The following FRAS1 variants were observed in gnomAD, a reference collection of about 807,000 sequenced individuals.
FRAS1 encodes the protein extracellular matrix organizing protein FRAS1.
In FRAS1, 290 loss-of-function variants were observed where a neutral mutation model predicts 435.2. That is an observed-to-expected ratio of 0.67 (90% CI 0.61 to 0.73). The LOEUF (loss-of-function observed/expected upper bound fraction) is 0.73, where lower values mean the gene tolerates loss of function less well. Ranked by LOEUF, FRAS1 falls within the 30% of genes least tolerant of loss-of-function variation. The probability of loss-of-function intolerance (pLI) is 0.00; values close to 1 mark genes in which losing one functional copy is unlikely to be tolerated. For missense variants in FRAS1, 4,860 were observed against 5,001.5 expected, an observed-to-expected ratio of 0.97 and a Z score of 0.85; for synonymous variants, 1,800 against 1,851.0, an observed-to-expected ratio of 0.97 and a Z score of 0.71.
intron 14 of FRAS1, among the ~76,000 whole-genome samples, chr4:78,299,089 C>T (rs530579566): frequency 1.1e-4 from 16 of 152,232 alleles, no homozygotes; most frequent in South Asian, 2.1e-4. Context: ...GAGCCAGCGA[C>T]GTTGTGGGCT....
chr4:78,209,300 A>G (rs1326139103), intron 2 of FRAS1, among the ~76,000 whole-genome samples: 2 of 152,206 alleles, frequency 1.3e-5, no homozygotes, highest in African/African-American at 4.8e-5. Context: ...TGCTCTCTTC[A>G]GTAGTTAACC....
Position 78,372,732 on chromosome 4 carries a change from T to C in FRAS1, c.2884T>C (p.Cys962Arg). The change falls in exon 24 of 74, where the codon TGC (cysteine) becomes CGC (arginine). Residue 962 changes from cysteine (C) to arginine (R), a missense_variant. Transcript: ENST00000512123. ...TTTCTTTTTAGAGTGTGATTGGAGC[T>C]GCAGTGCATGCAGTGGGCCCCTGAA... ...TNTCKECDWS[C>R]SACSGPLKTD... The C allele has an allele frequency of 6.2e-7, 1 of 1,612,752 alleles. No homozygotes were observed. The highest frequency in any genetic ancestry group is 8.5e-7 in the Non-Finnish European group (1 of 1,179,788).
chr4:78,212,186 G>C (rs1374458217), intron 2 of FRAS1, among the ~76,000 whole-genome samples: 1 of 152,154 alleles, frequency 6.6e-6, no homozygotes, highest in Admixed American at 6.5e-5. Flanking sequence ...CTTATAAAAA[G>C]TATGTAAAAT....
chr4:78,115,177 G>A (rs1743058638), intron 2 of FRAS1, among the ~76,000 whole-genome samples: 2 of 151,350 alleles, frequency 1.3e-5, no homozygotes. Flanking sequence ...CAGGGATGAA[G>A]CCCACTTGAT....
chr4:78,377,806 G>T (rs569550795), intron 26 of FRAS1, among the ~76,000 whole-genome samples: 1 of 152,314 alleles, frequency 6.6e-6, no homozygotes, highest in East Asian at 1.9e-4. Context: ...TACCTGCTGA[G>T]TTTGTAAAAT....
intron 2 of FRAS1, among the ~76,000 whole-genome samples, chr4:78,147,572 A>T (rs535444357): frequency 6.6e-6 from 1 of 152,252 alleles, no homozygotes; most frequent in South Asian, 2.1e-4. Context: ...TGAAGAAGGG[A>T]CCAATTAAGG....
intron 2 of FRAS1, among the ~76,000 whole-genome samples, chr4:78,116,693 C>T (rs1214561685): frequency 6.6e-6 from 1 of 152,162 alleles, no homozygotes; most frequent in African/African-American, 2.4e-5. Context: ...GTAGATCTTC[C>T]TCCATCCCTT....
chr4:78,520,338 A>G (rs1245750334), intron 67 of FRAS1, among the ~76,000 whole-genome samples: 1 of 151,154 alleles, frequency 6.6e-6, no homozygotes, highest in East Asian at 1.9e-4. Flanking sequence ...TTTCCCCTAA[A>G]TTCTGCTGCT....
intron 2 of FRAS1, among the ~76,000 whole-genome samples, chr4:78,155,187 G>A (rs1407358059): frequency 6.6e-6 from 1 of 152,130 alleles, no homozygotes; most frequent in Non-Finnish European, 1.5e-5. Flanking sequence ...CTTCCAGTGG[G>A]TTTTCGGTCA....
chr4:78,094,104 GTTTTTTTTTTT>G (rs71214395), intron 2 of FRAS1, among the ~76,000 whole-genome samples: 2,483 of 106,666 alleles, frequency 0.023, 47 homozygotes, highest in Non-Finnish European at 0.032. Context: ...GAATAACCAA[GTTTTTTTTTTT>G]TTTTTTTTTT....
chr4:78,059,156 G>A (rs1163815795), intron 1 of FRAS1, among the ~76,000 whole-genome samples: 1 of 152,174 alleles, frequency 6.6e-6, no homozygotes, highest in African/African-American at 2.4e-5. Context: ...CTCCGCCCTG[G>A]TGCCTAGGAA....
chr4:78,328,899 A>T (rs565030635), intron 18 of FRAS1, among the ~76,000 whole-genome samples: 1 of 152,342 alleles, frequency 6.6e-6, no homozygotes, highest in South Asian at 2.1e-4. Flanking sequence ...TAGGAGGATC[A>T]GCTCATTCTT....
chr4:78,529,336 T>C (rs1166346115), intron 70 of FRAS1, among the ~76,000 whole-genome samples: 4 of 152,116 alleles, frequency 2.6e-5, no homozygotes, highest in African/African-American at 9.7e-5. Flanking sequence ...TGTTTAAAAA[T>C]TATGTAATAT....
intron 15 of FRAS1, among the ~76,000 whole-genome samples, chr4:78,315,368 T>C (rs1227565763): frequency 1.3e-5 from 2 of 152,206 alleles, no homozygotes; most frequent in African/African-American, 2.4e-5. Context: ...CTGAGAGTTT[T>C]TGCTATGCTT....
intron 2 of FRAS1, among the ~76,000 whole-genome samples, chr4:78,228,886 A>G (rs1224186666): frequency 6.6e-6 from 1 of 152,178 alleles, no homozygotes; most frequent in Non-Finnish European, 1.5e-5. Flanking sequence ...ATTGAGTCCA[A>G]TCTTATCCTT....
chr4:78,356,754 G>C (rs1369262488), intron 20 of FRAS1, among the ~76,000 whole-genome samples: 1 of 150,794 alleles, frequency 6.6e-6, no homozygotes, highest in Non-Finnish European at 1.5e-5. Flanking sequence ...TAGATTGTTA[G>C]TTTTCTGCTT....
intron 47 of FRAS1, among the ~76,000 whole-genome samples, chr4:78,463,237 T>C (rs1455087369): frequency 5.3e-5 from 8 of 152,228 alleles, no homozygotes; most frequent in Admixed American, 5.2e-4. Context: ...ATTGCACATT[T>C]GTGGGATAGT....
At chr4:78,220,800 A>G (rs1724019235) in intron 2 of FRAS1, among the ~76,000 whole-genome samples, 1 of 152,216 alleles carries the variant, frequency 6.6e-6, no homozygotes. Flanking sequence ...GACATTTCTT[A>G]TCAATGTTAC....
At chr4:78,442,614 C>T (rs1163062993) in intron 41 of FRAS1, among the ~76,000 whole-genome samples, 3 of 152,238 alleles carry the variant, frequency 2.0e-5, no homozygotes, top group Admixed American at 6.5e-5. Flanking sequence ...GGTTTTATGT[C>T]AACCTGGAAT....
Sources: allele counts gnomAD v4.1 joint callset (sites outside exome capture counted in the v4.1 genomes callset), GRCh38; gene constraint gnomAD v4.1.1; transcripts MANE v1.5; gene names NCBI Gene and HGNC (gene_info 2026-07-23, HGNC 2026-07-21).